KHDRBS2: variants seen among roughly 807,000 people sequenced by gnomAD.
KHDRBS2 encodes the protein KH RNA binding domain containing, signal transduction associated 2.
Under a neutral mutation model 44.3 loss-of-function variants are expected in KHDRBS2, and 26 were observed. That is an observed-to-expected ratio of 0.59 (90% CI 0.43 to 0.81). The LOEUF (loss-of-function observed/expected upper bound fraction) is 0.81, where lower values mean the gene tolerates loss of function less well. KHDRBS2 is among the 40% of genes least tolerant of loss of function. The probability of loss-of-function intolerance (pLI) is 0.00; values close to 1 mark genes in which losing one functional copy is unlikely to be tolerated. For synonymous variants in KHDRBS2, 194 were observed against 151.1 expected (o/e 1.28, Z -2.08); for missense variants, 476 against 433.1 (o/e 1.10, Z -0.88).
chr6:62,090,992 C>T (rs951594000), intron 2 of KHDRBS2, among the ~76,000 whole-genome samples: 4 of 152,110 alleles, frequency 2.6e-5, no homozygotes, highest in Non-Finnish European at 4.4e-5. Flanking sequence ...ATCTGATTTC[C>T]ACAACCTATG....
chr6:62,122,023 T>C (rs1451227417), intron 2 of KHDRBS2, among the ~76,000 whole-genome samples: 1 of 151,986 alleles, frequency 6.6e-6, no homozygotes, highest in Middle Eastern at 3.2e-3. Context: ...TATTCTTCAT[T>C]TGGGTGTGTT....
At chr6:61,743,161 C>T (rs560877877) in intron 6 of KHDRBS2, among the ~76,000 whole-genome samples, 1 of 151,988 alleles carries the variant, frequency 6.6e-6, no homozygotes, top group African/African-American at 2.4e-5. Flanking sequence ...TAATAATATA[C>T]AATTCAAGTG....
chr6:61,900,202 C>CT (rs538441919), intron 5 of KHDRBS2, among the ~76,000 whole-genome samples: 53 of 151,880 alleles, frequency 3.5e-4, no homozygotes, highest in Middle Eastern at 3.4e-3. Context: ...TCTTTCTTAA[C>CT]TTTTTTTTCT....
chr6:61,587,652 CA>C, the KHDRBS2 span, among the ~76,000 whole-genome samples: 3 of 151,180 alleles, frequency 2.0e-5, no homozygotes, highest in Non-Finnish European at 3.0e-5. Context: ...GAGTTGAGGC[CA>C]AAAAAAATGA....
chr6:61,688,320 G>T (rs1033742554), intron 8 of KHDRBS2, among the ~76,000 whole-genome samples: 2 of 151,782 alleles, frequency 1.3e-5, no homozygotes, highest in African/African-American at 4.8e-5. Flanking sequence ...CAATGTAGAA[G>T]GTTATCTGAC....
At chr6:61,872,544 C>T (rs1289657732) in intron 6 of KHDRBS2, among the ~76,000 whole-genome samples, 1 of 151,950 alleles carries the variant, frequency 6.6e-6, no homozygotes, top group African/African-American at 2.4e-5. Flanking sequence ...TATAGGACAC[C>T]TAGGCCTAAA....
intron 2 of KHDRBS2, among the ~76,000 whole-genome samples, chr6:62,141,772 C>G (rs1215900200): frequency 6.6e-6 from 1 of 152,044 alleles, no homozygotes; most frequent in Admixed American, 6.6e-5. Flanking sequence ...AAGTGGATTT[C>G]CTTCGATAAT....
intron 6 of KHDRBS2, among the ~76,000 whole-genome samples, chr6:61,857,037 AT>A (rs1407279766): frequency 6.6e-6 from 1 of 152,090 alleles, no homozygotes; most frequent in African/African-American, 2.4e-5. Flanking sequence ...TAAAAAAAGG[AT>A]TCTTGTTTTA....
intron 1 of KHDRBS2, among the ~76,000 whole-genome samples, chr6:62,209,032 C>A (rs916943376): frequency 2.0e-5 from 3 of 151,952 alleles, no homozygotes; most frequent in Non-Finnish European, 4.4e-5. Flanking sequence ...AGCTTCTGCA[C>A]AACAAAGGAA....
At chr6:61,731,988 G>A (rs1463492074) in intron 7 of KHDRBS2, among the ~76,000 whole-genome samples, 1 of 152,034 alleles carries the variant, frequency 6.6e-6, no homozygotes, top group Admixed American at 6.6e-5. Context: ...TGAAGGAGAA[G>A]TTAACTACAA....
Position 61,877,856 on chromosome 6 carries a change from T to A in KHDRBS2, c.810+16779A>T, listed in dbSNP as rs528846430. Reference sequence around the variant, plus strand: ...ATATTATTTTTCTTTTCTAAATCTTTTTTAAAAATCTTGTGAAGATTGTTT... The same window carrying A: ...ATATTATTTTTCTTTTCTAAATCTTATTTAAAAATCTTGTGAAGATTGTTT... On this transcript the variant is annotated intron_variant, in intron 6 of 8. Coordinates refer to ENST00000281156, the MANE Select transcript of KHDRBS2 (RefSeq NM_152688.4). Among the ~76,000 whole-genome samples the A allele has an allele frequency of 2.6e-5, 4 of 152,094 alleles. No individual in the cohort carries two copies. The South Asian group carries it at 6.2e-4, about 24-fold the overall frequency.
intron 6 of KHDRBS2, among the ~76,000 whole-genome samples, chr6:61,771,300 A>G (rs1300583624): frequency 6.6e-6 from 1 of 152,144 alleles, no homozygotes; most frequent in East Asian, 1.9e-4. Context: ...ATAACCAGCT[A>G]ACATCATAAT....
chr6:61,977,256 C>T (rs1297116518), intron 4 of KHDRBS2, among the ~76,000 whole-genome samples: 1 of 152,124 alleles, frequency 6.6e-6, no homozygotes, highest in Non-Finnish European at 1.5e-5. Context: ...CCAGACGCTC[C>T]AGAAAACTGT....
the KHDRBS2 span, among the ~76,000 whole-genome samples, chr6:61,579,932 C>T: frequency 2.0e-5 from 3 of 150,894 alleles, no homozygotes; most frequent in Non-Finnish European, 4.4e-5. Context: ...TGGCACATGC[C>T]TGTAATCCCA....
chr6:62,246,458 A>G (rs1022290181), intron 1 of KHDRBS2, among the ~76,000 whole-genome samples: 1 of 152,028 alleles, frequency 6.6e-6, no homozygotes, highest in African/African-American at 2.4e-5. Flanking sequence ...TTTACTTATC[A>G]TTTAGACAGG....
At chr6:62,204,606 AT>A (rs1339650266) in intron 1 of KHDRBS2, among the ~76,000 whole-genome samples, 2 of 152,170 alleles carry the variant, frequency 1.3e-5, no homozygotes, top group African/African-American at 4.8e-5. Context: ...GGATTTTCAG[AT>A]TTGGGATGCC....
chr6:61,938,743 G>C (rs1811515340), intron 4 of KHDRBS2, among the ~76,000 whole-genome samples: 1 of 152,098 alleles, frequency 6.6e-6, no homozygotes, highest in Non-Finnish European at 1.5e-5. Flanking sequence ...GTCCACAAAA[G>C]GTTTGGTGTC....
the KHDRBS2 span, among the ~76,000 whole-genome samples, chr6:61,569,569 C>T: frequency 2.6e-5 from 4 of 152,176 alleles, no homozygotes; most frequent in Non-Finnish European, 4.4e-5. Flanking sequence ...AACATCCTGG[C>T]TAATCAGAGG....
At chr6:62,016,457 T>C (rs750508963) in intron 3 of KHDRBS2, among the ~76,000 whole-genome samples, 13 of 151,058 alleles carry the variant, frequency 8.6e-5, no homozygotes, top group Non-Finnish European at 1.5e-4. Context: ...GAGAAGGAAA[T>C]AAGGAAACAT....
Sources: allele counts gnomAD v4.1 joint callset (sites outside exome capture counted in the v4.1 genomes callset), GRCh38; gene constraint gnomAD v4.1.1; transcripts MANE v1.5; gene names NCBI Gene and HGNC (gene_info 2026-07-23, HGNC 2026-07-21).